GLMN: variants seen among roughly 807,000 people sequenced by gnomAD.
GLMN encodes glomulin, FKBP associated protein.
GLMN carries 75 observed loss-of-function variants against 87.8 expected under a neutral mutation model. The observed-to-expected ratio is 0.85, with a 90% CI of 0.71 to 1.04. The LOEUF (loss-of-function observed/expected upper bound fraction) is 1.04. GLMN is among the 50% of genes least tolerant of loss of function. The pLI, the probability that GLMN is intolerant of heterozygous loss-of-function variation, is 0.00. For synonymous variants in GLMN, 206 were observed against 221.6 expected, an observed-to-expected ratio of 0.93 and a Z score of 0.63; for missense variants, 588 against 658.8, an observed-to-expected ratio of 0.89 and a Z score of 1.18.
chr1:92,339,188 T>C, the GLMN span, among the ~76,000 whole-genome samples: 1 of 152,168 alleles, frequency 6.6e-6, no homozygotes, highest in Non-Finnish European at 1.5e-5. Context: ...CAAAAGTTAC[T>C]AGAAACTTTA....
chr1:92,291,163 C>T (rs1051931499), intron 4 of GLMN, among the ~76,000 whole-genome samples: 5 of 152,152 alleles, frequency 3.3e-5, no homozygotes, highest in Non-Finnish European at 7.3e-5. Flanking sequence ...CCAGGTCTCT[C>T]CCTGGAGATG....
At chr1:92,293,954 T>C (rs1394692514) in intron 3 of GLMN, among the ~76,000 whole-genome samples, 1 of 148,690 alleles carries the variant, frequency 6.7e-6, no homozygotes, top group Non-Finnish European at 1.5e-5. Context: ...TACCAGAGGC[T>C]GAAAATGGTA....
upstream of GLMN, chr1:92,300,324 T>C: frequency 1.0e-5 from 5 of 477,588 alleles, no homozygotes; most frequent in Non-Finnish European, 1.3e-5. Flanking sequence ...AATGGTTACC[T>C]TTTTTTTTTT....
intron 3 of GLMN, among the ~76,000 whole-genome samples, chr1:92,297,115 C>CTTTT (rs1034040272): frequency 9.3e-5 from 11 of 118,318 alleles, no homozygotes; most frequent in Admixed American, 1.7e-4. Context: ...TGTTTCTTTT[C>CTTTT]TTTTTTTTTT....
chr1:92,333,442 A>G, the GLMN span: 1 of 1,613,536 alleles, frequency 6.2e-7, no homozygotes. Context: ...CCAGATTAGA[A>G]AACGCATCGT....
intron 12 of GLMN, 35 bp from the exon 13 acceptor site, chr1:92,266,527 G>T: frequency 7.7e-7 from 1 of 1,299,490 alleles, no homozygotes; most frequent in South Asian, 1.2e-5. Context: ...TATATAAAAT[G>T]AATAAAGCTT....
the GLMN span, among the ~76,000 whole-genome samples, chr1:92,305,432 C>CAAAA: frequency 0.18 from 9,551 of 52,514 alleles, 1,333 homozygotes; most frequent in South Asian, 0.3. Flanking sequence ...GGCTCCGTCT[C>CAAAA]AAAAAAAAAA....
rs751384639 is a variant in GLMN, at chr1:92,289,101, T to C, written c.445A>G (p.Thr149Ala). The part of the protein sequence containing the change: ...KAYSIGLALS[T>A]LWNQLSLLPV... ...AGAAGAGATAGCTGATTCCAAAGGG[T>C]AGACAATGCTAATCCAATTGAATAT... The change falls in exon 6 of 19, where the codon ACC (threonine) becomes GCC (alanine). Residue 149 changes from threonine (T) to alanine (A), a missense_variant. Thr to Ala is a moderately conservative substitution (Grantham distance 58, BLOSUM62 0). Coordinates refer to ENST00000370360, the MANE Select transcript of GLMN (RefSeq NM_053274.3). 2 of 1,611,294 alleles carry C rather than the reference T, an allele frequency of 1.2e-6. No individual in the cohort carries two copies. Among genetic ancestry groups the C allele is most frequent in the South Asian group, 1.1e-5 (1 of 91,018 alleles).
intron 16 of GLMN, among the ~76,000 whole-genome samples, chr1:92,252,761 TCA>T (rs1311772378): frequency 2.0e-5 from 3 of 152,238 alleles, no homozygotes; most frequent in Non-Finnish European, 4.4e-5. Flanking sequence ...TTAAAATCTT[TCA>T]GTGTCTAGAA....
chr1:92,255,645 C>G (rs1274664708), intron 16 of GLMN, among the ~76,000 whole-genome samples: 1 of 152,156 alleles, frequency 6.6e-6, no homozygotes, highest in African/African-American at 2.4e-5. Flanking sequence ...AACTGAACAA[C>G]CTGCTCCTGA....
At chr1:92,307,710 A>G in the GLMN span, among the ~76,000 whole-genome samples, 1 of 135,568 alleles carries the variant, frequency 7.4e-6, no homozygotes, top group East Asian at 2.3e-4. Context: ...CAATTTAAAG[A>G]CACAATTAAA....
chr1:92,291,309 C>T, intron 4 of GLMN, 109 bp downstream of exon 4: 1 of 953,290 alleles, frequency 1.0e-6, no homozygotes, highest in Non-Finnish European at 1.7e-6. Flanking sequence ...TTCCTTTCTG[C>T]ATGTACTTTC....
intron 7 of GLMN, among the ~76,000 whole-genome samples, chr1:92,280,744 T>C (rs1647932115): frequency 6.6e-6 from 1 of 152,072 alleles, no homozygotes; most frequent in Non-Finnish European, 1.5e-5. Flanking sequence ...AATAGCTAAC[T>C]AGAATAAACA....
the GLMN span, chr1:92,323,503 G>A: frequency 8.1e-6 from 13 of 1,613,592 alleles, no homozygotes; most frequent in Admixed American, 1.3e-4. Context: ...ATCAGATATC[G>A]ACAATCCTAG....
At chr1:92,285,194 G>A (rs1309177753) in intron 7 of GLMN, among the ~76,000 whole-genome samples, 1 of 152,104 alleles carries the variant, frequency 6.6e-6, no homozygotes, top group East Asian at 1.9e-4. Flanking sequence ...ACTCACAATA[G>A]CAAAGACTTG....
chr1:92,265,420 A>C (rs1374798612), intron 13 of GLMN, among the ~76,000 whole-genome samples: 1 of 152,188 alleles, frequency 6.6e-6, no homozygotes, highest in African/African-American at 2.4e-5. Flanking sequence ...CCGGTATAAT[A>C]CCTAAGAATT....
At chr1:92,290,170 A>G (rs1307552446) in intron 5 of GLMN, 28 bp downstream of exon 5, 1 of 1,202,628 alleles carries the variant, frequency 8.3e-7, no homozygotes, top group Non-Finnish European at 1.2e-6. Context: ...TACAACAAGA[A>G]GTACTCTGAT....
chr1:92,323,960 T>C, the GLMN span: 5 of 1,614,154 alleles, frequency 3.1e-6, no homozygotes, highest in Non-Finnish European at 4.2e-6. Context: ...TCAAACCAAG[T>C]GTCTAGGTCA....
chr1:92,283,431 A>G (rs1405403013), intron 7 of GLMN, among the ~76,000 whole-genome samples: 1 of 152,222 alleles, frequency 6.6e-6, no homozygotes, highest in Non-Finnish European at 1.5e-5. Context: ...CCTTCATGCT[A>G]AAAACTCTCA....
Sources: gnomAD v4.1 joint callset for allele counts (sites outside exome capture counted in the v4.1 genomes callset) on GRCh38, gnomAD v4.1.1 for gene constraint, MANE v1.5 for transcripts, NCBI Gene and HGNC (gene_info 2026-07-23, HGNC 2026-07-21) for gene names.